Variants in PRKG1 observed in about 807,000 individuals in gnomAD.
PRKG1 encodes the protein cGMP-dependent protein kinase 1.
In PRKG1, 35 loss-of-function variants were observed where a neutral mutation model predicts 88.1. That is an observed-to-expected ratio of 0.40 (90% CI 0.30 to 0.53). The LOEUF (loss-of-function observed/expected upper bound fraction) is 0.53, where lower values mean the gene tolerates loss of function less well. PRKG1 is among the 20% of genes least tolerant of loss of function. The pLI, the probability that PRKG1 is intolerant of heterozygous loss-of-function variation, is 0.59. For synonymous variants in PRKG1, 303 were observed against 292.5 expected, an observed-to-expected ratio of 1.04 and a Z score of -0.37; for missense variants, 540 against 839.8, an observed-to-expected ratio of 0.64 and a Z score of 4.41.
At chr10:51,451,816 A>G (rs375280338) in intron 2 of PRKG1, among the ~76,000 whole-genome samples, 95 of 152,014 alleles carry the variant, frequency 6.2e-4, no homozygotes, top group Non-Finnish European at 1.0e-3. Context: ...TGAGGTTAGG[A>G]AGTGATGGAT....
chr10:51,400,031 C>T lies in PRKG1; in HGVS notation c.479-67692C>T, dbSNP rs186013170. The stretch of plus-strand genomic sequence containing the variant: ...TCATTGGCAATTGTGTTACGTAATA[C>T]GTTCAGTTTCTGTTTAATTAGCCAG... On this transcript the variant is annotated intron_variant, in intron 2 of 17. Transcript: ENST00000373980. 5.4e-3 allele frequency among the ~76,000 whole-genome samples: 822 copies of T among 152,236 alleles called. 4 individuals carry two copies. Among genetic ancestry groups the T allele is most frequent in the Non-Finnish European group, 8.6e-3 (587 of 68,024 alleles).
At chr10:51,266,615 G>A (rs1364795725) in intron 2 of PRKG1, among the ~76,000 whole-genome samples, 3 of 152,196 alleles carry the variant, frequency 2.0e-5, no homozygotes, top group Non-Finnish European at 4.4e-5. Flanking sequence ...GCTTTTGCCT[G>A]TTTGGTTACA....
At chr10:51,115,441 C>T (rs1367089089) in intron 1 of PRKG1, among the ~76,000 whole-genome samples, 11 of 113,786 alleles carry the variant, frequency 9.7e-5, no homozygotes, top group Middle Eastern at 5.4e-3. Flanking sequence ...AGAGATCTGT[C>T]GATAATTGAT....
At chr10:52,209,247 T>C (rs1011830860) in intron 9 of PRKG1, among the ~76,000 whole-genome samples, 2 of 152,198 alleles carry the variant, frequency 1.3e-5, no homozygotes, top group African/African-American at 4.8e-5. Context: ...ACAGGCAATA[T>C]ATAAACAAAT....
intron 1 of PRKG1, among the ~76,000 whole-genome samples, chr10:50,997,480 G>T (rs1349613789): frequency 1.3e-5 from 2 of 152,068 alleles, no homozygotes; most frequent in Non-Finnish European, 2.9e-5. Flanking sequence ...CCTGACTACG[G>T]TCCTGTTTCC....
At chr10:51,482,561 C>T (rs1840394207) in intron 3 of PRKG1, among the ~76,000 whole-genome samples, 1 of 152,126 alleles carries the variant, frequency 6.6e-6, no homozygotes, top group African/African-American at 2.4e-5. Context: ...GTCTTTTCCC[C>T]CTTACATCTA....
chr10:52,244,261 A>G (rs1200091301), intron 9 of PRKG1, among the ~76,000 whole-genome samples: 1 of 152,030 alleles, frequency 6.6e-6, no homozygotes, highest in Non-Finnish European at 1.5e-5. Context: ...TAATTTGAAA[A>G]CATGATTTAG....
intron 3 of PRKG1, among the ~76,000 whole-genome samples, chr10:51,703,817 A>C (rs938741889): frequency 6.6e-6 from 1 of 152,140 alleles, no homozygotes; most frequent in African/African-American, 2.4e-5. Flanking sequence ...ATGCAAGCTC[A>C]ATTTTGAGAA....
chr10:51,218,864 G>A (rs989479975), intron 2 of PRKG1, among the ~76,000 whole-genome samples: 1 of 151,858 alleles, frequency 6.6e-6, no homozygotes, highest in Non-Finnish European at 1.5e-5. Context: ...GTGGAAGAAG[G>A]AGAGAAGAAG....
chr10:52,174,679 A>G (rs1023304147), intron 9 of PRKG1, among the ~76,000 whole-genome samples: 1 of 152,014 alleles, frequency 6.6e-6, no homozygotes, highest in African/African-American at 2.4e-5. Context: ...CACACTAGGA[A>G]ATCATAAAAA....
At chr10:51,876,764 G>T (rs1841309870) in intron 4 of PRKG1, among the ~76,000 whole-genome samples, 3 of 152,138 alleles carry the variant, frequency 2.0e-5, no homozygotes, top group African/African-American at 7.2e-5. Context: ...AGAAATTAAT[G>T]AATCTGGGAG....
At chr10:51,165,932 G>A (rs1846526162) in intron 2 of PRKG1, among the ~76,000 whole-genome samples, 1 of 151,764 alleles carries the variant, frequency 6.6e-6, no homozygotes, top group Admixed American at 6.6e-5. Flanking sequence ...TTAATTAATA[G>A]CCTATTGTAA....
At chr10:51,975,278 G>C (rs528225745) in intron 5 of PRKG1, among the ~76,000 whole-genome samples, 1 of 152,048 alleles carries the variant, frequency 6.6e-6, no homozygotes, top group Non-Finnish European at 1.5e-5. Flanking sequence ...AGTCTCTCGT[G>C]TAGACCAATC....
At chr10:51,033,662 T>TC in intron 1 of PRKG1, among the ~76,000 whole-genome samples, 1 of 152,282 alleles carries the variant, frequency 6.6e-6, no homozygotes, top group South Asian at 2.1e-4. Flanking sequence ...TATGTTTAAA[T>TC]CACATGTCTT....
At chr10:51,478,381 C>A (rs942308708) in intron 3 of PRKG1, among the ~76,000 whole-genome samples, 6 of 152,006 alleles carry the variant, frequency 3.9e-5, no homozygotes, top group African/African-American at 1.4e-4. Context: ...TCACCACATT[C>A]CTTCTGGGTA....
At chr10:51,634,805 G>A (rs937633715) in intron 3 of PRKG1, among the ~76,000 whole-genome samples, 5 of 152,074 alleles carry the variant, frequency 3.3e-5, no homozygotes, top group Non-Finnish European at 5.9e-5. Flanking sequence ...GAAGATGGAG[G>A]CCATTATTCT....
At chr10:51,346,228 C>A (rs969151576) in intron 2 of PRKG1, among the ~76,000 whole-genome samples, 1 of 152,082 alleles carries the variant, frequency 6.6e-6, no homozygotes, top group Admixed American at 6.6e-5. Flanking sequence ...TTTAGATTAG[C>A]GTACAATTGG....
chr10:52,246,258 G>C (rs926701687), intron 9 of PRKG1, among the ~76,000 whole-genome samples: 5 of 152,116 alleles, frequency 3.3e-5, no homozygotes, highest in African/African-American at 1.2e-4. Context: ...TGGTTTTGTA[G>C]AGACTGGTAA....
At chr10:51,544,985 G>T (rs777387667) in intron 3 of PRKG1, among the ~76,000 whole-genome samples, 106 of 146,650 alleles carry the variant, frequency 7.2e-4, no homozygotes, top group Admixed American at 1.1e-3. Flanking sequence ...CCACAATGAG[G>T]TTTTTTTTTT....
Sources: gnomAD v4.1 joint callset for allele counts (sites outside exome capture counted in the v4.1 genomes callset) on GRCh38, gnomAD v4.1.1 for gene constraint, MANE v1.5 for transcripts, NCBI Gene and HGNC (gene_info 2026-07-23, HGNC 2026-07-21) for gene names.